The following CTNND2 variants were observed in gnomAD, a reference collection of about 807,000 sequenced individuals.
CTNND2 encodes the protein catenin delta 2, also known as catenin delta-2.
A neutral mutation model predicts 144.4 loss-of-function variants in CTNND2; 22 were observed. The observed-to-expected ratio is 0.15, with a 90% CI of 0.11 to 0.22. The LOEUF is 0.22. Among genes scored for constraint, CTNND2 ranks in the 10% least tolerant of loss-of-function variants. The pLI is 1.00. For missense variants in CTNND2, 1,353 were observed against 1,618.8 expected, an observed-to-expected ratio of 0.84 and a Z score of 2.82; for synonymous variants, 751 against 695.6, an observed-to-expected ratio of 1.08 and a Z score of -1.25.
At position 11,412,510 on chromosome 5, in the gene CTNND2, A is replaced by G. The variant is rs61749763; in HGVS notation, c.288-441T>C. Among the ~76,000 whole-genome samples the G allele has an allele frequency of 4.8e-3, 736 of 152,274 alleles. 10 individuals carry two copies. Among genetic ancestry groups the G allele is most frequent in the African/African-American group, 0.017 (709 of 41,566 alleles). ...CTTTGCCTCCATTTAGCCATATCAT[A>G]TTAAAATTTCCCTTTAGTTGATTTA... is the stretch of plus-strand genomic sequence containing the variant. On this transcript the variant is annotated intron_variant, in intron 3 of 21. Transcript: ENST00000304623.
At position 11,299,658 on chromosome 5, in the gene CTNND2, G is replaced by A. The variant is rs546635732; in HGVS notation, c.1628+46714C>T. 2.6e-5 allele frequency among the ~76,000 whole-genome samples: 4 copies of A among 152,296 alleles called. No individual in the cohort carries two copies. The South Asian group carries it at 8.3e-4, about 32-fold the overall frequency. Reference sequence around the variant, plus strand: ...AGGTAGAAACATGTAGAATGGCCATGTTATTCCTCCCCTCCGTGAAACTTT... The same window carrying A: ...AGGTAGAAACATGTAGAATGGCCATATTATTCCTCCCCTCCGTGAAACTTT... On this transcript the variant is annotated intron_variant, in intron 9 of 21. Transcript: ENST00000304623.
chr5:11,369,349 G>A (rs1025038888), intron 7 of CTNND2, among the ~76,000 whole-genome samples: 3 of 152,104 alleles, frequency 2.0e-5, no homozygotes, highest in African/African-American at 4.8e-5. Context: ...AGATCTCAGG[G>A]GGTTCTTGAC....
intron 1 of CTNND2, among the ~76,000 whole-genome samples, chr5:11,789,418 A>G (rs1422492580): frequency 1.3e-5 from 2 of 152,122 alleles, no homozygotes; most frequent in Non-Finnish European, 1.5e-5. Flanking sequence ...ATGAGCTTCT[A>G]TGAAATTTAT....
intron 3 of CTNND2, among the ~76,000 whole-genome samples, chr5:11,456,556 A>T (rs372488888): frequency 9.9e-5 from 15 of 151,832 alleles, no homozygotes; most frequent in African/African-American, 1.5e-4. Flanking sequence ...CAACCCCAAT[A>T]CCTGGGAAGG....
At chr5:11,636,737 T>G (rs1433056922) in intron 2 of CTNND2, among the ~76,000 whole-genome samples, 1 of 152,180 alleles carries the variant, frequency 6.6e-6, no homozygotes, top group Non-Finnish European at 1.5e-5. Flanking sequence ...CCAGCTGAAG[T>G]GCAACCATTT....
chr5:11,649,360 C>T (rs1054663440), intron 2 of CTNND2, among the ~76,000 whole-genome samples: 1 of 152,108 alleles, frequency 6.6e-6, no homozygotes, highest in Non-Finnish European at 1.5e-5. Flanking sequence ...CTCTGTCACC[C>T]AGGCTGGAGT....
intron 9 of CTNND2, among the ~76,000 whole-genome samples, chr5:11,286,734 A>C (rs1183539056): frequency 2.0e-5 from 3 of 152,240 alleles, no homozygotes; most frequent in Non-Finnish European, 4.4e-5. Flanking sequence ...ATAAACTGAC[A>C]GTGGGAGTAT....
intron 1 of CTNND2, among the ~76,000 whole-genome samples, chr5:11,808,598 T>G (rs61761659): frequency 6.6e-6 from 1 of 152,206 alleles, no homozygotes; most frequent in Non-Finnish European, 1.5e-5. Context: ...TATTTTAATA[T>G]TTTCCCCTTC....
intron 1 of CTNND2, among the ~76,000 whole-genome samples, chr5:11,881,658 CT>C (rs1736125344): frequency 6.6e-6 from 1 of 151,918 alleles, no homozygotes; most frequent in Non-Finnish European, 1.5e-5. Flanking sequence ...GACATTTAGG[CT>C]GATATCATAT....
chr5:11,273,089 T>C (rs1746184370), intron 9 of CTNND2, among the ~76,000 whole-genome samples: 1 of 152,204 alleles, frequency 6.6e-6, no homozygotes, highest in African/African-American at 2.4e-5. Flanking sequence ...TGAATTTCAT[T>C]AATAATAGTT....
intron 7 of CTNND2, among the ~76,000 whole-genome samples, chr5:11,372,540 C>A (rs893950871): frequency 6.6e-6 from 1 of 152,038 alleles, no homozygotes; most frequent in Non-Finnish European, 1.5e-5. Context: ...TAACAAAGAA[C>A]CGGTAGGAAC....
chr5:11,873,231 G>A (rs1388699267), intron 1 of CTNND2, among the ~76,000 whole-genome samples: 2 of 152,168 alleles, frequency 1.3e-5, no homozygotes, highest in Admixed American at 6.5e-5. Context: ...GTTCCAAGAT[G>A]TTTACAGTGT....
At chr5:11,006,543 A>G (rs2149519023) in intron 18 of CTNND2, among the ~76,000 whole-genome samples, 1 of 152,364 alleles carries the variant, frequency 6.6e-6, no homozygotes, top group East Asian at 1.9e-4. Flanking sequence ...ACTTTCGTGT[A>G]GTTGGATCAT....
At chr5:11,409,526 ATTTCT>A (rs1163836886) in intron 5 of CTNND2, among the ~76,000 whole-genome samples, 2 of 151,902 alleles carry the variant, frequency 1.3e-5, no homozygotes, top group African/African-American at 4.8e-5. Context: ...TTTTTCCTTA[ATTTCT>A]TTTATTTTTA....
intron 12 of CTNND2, among the ~76,000 whole-genome samples, chr5:11,145,194 T>A (rs1409537692): frequency 6.6e-6 from 1 of 152,200 alleles, no homozygotes. Context: ...TCAGTAGGAC[T>A]AAGTACATTC....
intron 2 of CTNND2, among the ~76,000 whole-genome samples, chr5:11,573,673 T>C (rs947985067): frequency 6.6e-6 from 1 of 152,176 alleles, no homozygotes; most frequent in Admixed American, 6.6e-5. Flanking sequence ...ACTGACAGAT[T>C]AATGTTTTCA....
At chr5:11,580,015 T>A (rs1025267103) in intron 2 of CTNND2, among the ~76,000 whole-genome samples, 3 of 152,226 alleles carry the variant, frequency 2.0e-5, no homozygotes, top group African/African-American at 7.2e-5. Flanking sequence ...CAACAAAGCA[T>A]GCATATCTAA....
intron 11 of CTNND2, among the ~76,000 whole-genome samples, chr5:11,175,265 T>A (rs12655907): frequency 0.53 from 79,890 of 151,964 alleles, 22,339 homozygotes; most frequent in East Asian, 0.73. Context: ...GTTTTCTAGA[T>A]GAACATAATA....
intron 6 of CTNND2, among the ~76,000 whole-genome samples, chr5:11,389,875 T>C (rs1039629807): frequency 6.6e-6 from 1 of 152,254 alleles, no homozygotes; most frequent in East Asian, 1.9e-4. Flanking sequence ...CTTTGTTTCA[T>C]GTACAACATT....
Sources: allele counts gnomAD v4.1 joint callset (sites outside exome capture counted in the v4.1 genomes callset), GRCh38; gene constraint gnomAD v4.1.1; transcripts MANE v1.5; gene names NCBI Gene and HGNC (gene_info 2026-07-23, HGNC 2026-07-21).